Variants in FOXN3 observed in about 807,000 individuals in gnomAD.
FOXN3 encodes the protein forkhead box protein N3.
In FOXN3, 7 loss-of-function variants were observed where a neutral mutation model predicts 38.4. The ratio of observed to expected loss-of-function variants is 0.18; its 90% CI spans 0.10 to 0.34. The LOEUF (loss-of-function observed/expected upper bound fraction) is 0.34. Among genes scored for constraint, FOXN3 ranks in the 10% least tolerant of loss-of-function variants. FOXN3 has a pLI of 1.00. For missense variants in FOXN3, 456 were observed against 613.4 expected (o/e 0.74, Z 2.71); for synonymous variants, 230 against 242.2 (o/e 0.95, Z 0.47).
intron 5 of FOXN3, among the ~76,000 whole-genome samples, chr14:89,179,279 T>A (rs1887603200): frequency 6.6e-6 from 1 of 152,198 alleles, no homozygotes; most frequent in Non-Finnish European, 1.5e-5. Flanking sequence ...CCTATAGACC[T>A]TTGCTCTGAA....
At chr14:89,333,966 GTATATATATATATATATATATATATA>G (rs71130055) in intron 3 of FOXN3, among the ~76,000 whole-genome samples, 5 of 131,584 alleles carry the variant, frequency 3.8e-5, no homozygotes, top group African/African-American at 1.2e-4. Context: ...AATGTGGTGT[GTATATATATATATATATATATATATA>G]TATATATATA....
At chr14:89,580,555 G>A (rs44812) in intron 1 of FOXN3, among the ~76,000 whole-genome samples, 123,034 of 152,058 alleles carry the variant, frequency 0.81, 50,461 homozygotes, top group Non-Finnish European at 0.88. Context: ...GAAATAGTTC[G>A]TTTCTAGATG....
intron 1 of FOXN3, among the ~76,000 whole-genome samples, chr14:89,566,605 G>C (rs1895356731): frequency 6.6e-6 from 1 of 152,218 alleles, no homozygotes; most frequent in Admixed American, 6.5e-5. Context: ...AGTCTTCCAG[G>C]ACATGGAAAA....
chr14:89,416,877 G>C lies in FOXN3; in HGVS notation c.-21C>G, dbSNP rs1242298166. The C allele has an allele frequency of 6.6e-6, 1 of 151,972 alleles. No homozygotes were observed. The highest frequency in any genetic ancestry group is 2.4e-5 in the African/African-American group (1 of 41,426). 9.4% of individuals were successfully genotyped at this position (151,972 alleles called of 1,614,324 possible). ...GAGCGGGGTGCAAACTCACCTGGCCGGAGCGGGGCACGGGGGTGCGGGGGC... is the reference window on the plus strand; with the variant it reads ...GAGCGGGGTGCAAACTCACCTGGCCCGAGCGGGGCACGGGGGTGCGGGGGC... On this transcript the variant is annotated 5_prime_UTR_variant, in exon 1 of 6. Transcript: ENST00000557258.
intron 1 of FOXN3, among the ~76,000 whole-genome samples, chr14:89,558,038 G>A (rs1221119533): frequency 2.0e-4 from 31 of 151,952 alleles, no homozygotes; most frequent in Admixed American, 1.1e-3. Context: ...AAAGAATTAG[G>A]TACTAAGCCA....
At chr14:89,391,077 T>C (rs1418615758) in intron 2 of FOXN3, among the ~76,000 whole-genome samples, 2 of 152,188 alleles carry the variant, frequency 1.3e-5, no homozygotes, top group Non-Finnish European at 2.9e-5. Flanking sequence ...TCCTTATTTA[T>C]GTGTGGTCTT....
At chr14:89,176,060 A>G (rs1887511414) in intron 5 of FOXN3, among the ~76,000 whole-genome samples, 1 of 152,244 alleles carries the variant, frequency 6.6e-6, no homozygotes, top group African/African-American at 2.4e-5. Flanking sequence ...ATGTGTGAGT[A>G]GTTATTTTGA....
At chr14:89,463,887 T>A (rs992048292) in intron 1 of FOXN3, among the ~76,000 whole-genome samples, 3 of 150,924 alleles carry the variant, frequency 2.0e-5, no homozygotes, top group African/African-American at 7.4e-5. Flanking sequence ...CAGGTTCAAG[T>A]GATTCTCCTG....
At chr14:89,327,626 G>A (rs1888119613) in intron 3 of FOXN3, among the ~76,000 whole-genome samples, 1 of 152,202 alleles carries the variant, frequency 6.6e-6, no homozygotes, top group Non-Finnish European at 1.5e-5. Context: ...CAAGACATCT[G>A]TTTAGTCTTT....
intron 1 of FOXN3, among the ~76,000 whole-genome samples, chr14:89,537,079 C>T (rs957825085): frequency 2.0e-5 from 3 of 152,230 alleles, no homozygotes; most frequent in African/African-American, 7.2e-5. Context: ...TACCTGGACA[C>T]GCTTCTAACA....
chr14:89,529,267 A>G (rs1030104044), intron 1 of FOXN3, among the ~76,000 whole-genome samples: 1 of 152,162 alleles, frequency 6.6e-6, no homozygotes, highest in African/African-American at 2.4e-5. Flanking sequence ...GTTAAAATGC[A>G]TAATATTTTA....
chr14:89,453,992 T>G (rs1195361822), intron 1 of FOXN3, among the ~76,000 whole-genome samples: 1 of 141,264 alleles, frequency 7.1e-6, no homozygotes, highest in Non-Finnish European at 1.5e-5. Context: ...CAAGATGAAA[T>G]TAATGCCCTC....
intron 3 of FOXN3, among the ~76,000 whole-genome samples, chr14:89,325,026 G>A (rs1888009648): frequency 6.6e-6 from 1 of 152,140 alleles, no homozygotes; most frequent in South Asian, 2.1e-4. Flanking sequence ...GTTACATGAA[G>A]ACTAAAGGAA....
At chr14:89,328,284 C>T (rs879529561) in intron 3 of FOXN3, among the ~76,000 whole-genome samples, 2 of 151,766 alleles carry the variant, frequency 1.3e-5, no homozygotes, top group Admixed American at 6.6e-5. Flanking sequence ...GATGAATGGG[C>T]GAAGAGACAT....
chr14:89,324,010 C>G (rs1887971276), intron 3 of FOXN3, among the ~76,000 whole-genome samples: 1 of 152,136 alleles, frequency 6.6e-6, no homozygotes, highest in Non-Finnish European at 1.5e-5. Flanking sequence ...CTGGGCAACT[C>G]CTCAGATACA....
At chr14:89,436,957 G>A (rs1363889136) in intron 1 of FOXN3, among the ~76,000 whole-genome samples, 2 of 152,118 alleles carry the variant, frequency 1.3e-5, no homozygotes, top group African/African-American at 4.8e-5. Context: ...GACCAGCCTG[G>A]CCAACATGGT....
intron 2 of FOXN3, among the ~76,000 whole-genome samples, chr14:89,388,189 G>A (rs1216032369): frequency 6.6e-6 from 1 of 152,152 alleles, no homozygotes; most frequent in Non-Finnish European, 1.5e-5. Context: ...GTCTTGGAGG[G>A]AAGATAGCCT....
At chr14:89,540,795 G>A (rs1894778619) in intron 1 of FOXN3, among the ~76,000 whole-genome samples, 1 of 150,922 alleles carries the variant, frequency 6.6e-6, no homozygotes, top group Admixed American at 6.6e-5. Flanking sequence ...ATCAAATTTT[G>A]TTAGGATAAA....
intron 1 of FOXN3, among the ~76,000 whole-genome samples, chr14:89,601,910 C>T (rs887517409): frequency 5.9e-5 from 9 of 152,122 alleles, no homozygotes; most frequent in Non-Finnish European, 1.2e-4. Flanking sequence ...ATTTTCACAA[C>T]AATCCAGATG....
Sources: allele counts gnomAD v4.1 joint callset (sites outside exome capture counted in the v4.1 genomes callset), GRCh38; gene constraint gnomAD v4.1.1; transcripts MANE v1.5; gene names NCBI Gene and HGNC (gene_info 2026-07-23, HGNC 2026-07-21).